PSD3: variants seen among roughly 807,000 people sequenced by gnomAD.
PSD3 encodes PH and SEC7 domain-containing protein 3.
A neutral mutation model predicts 105.5 loss-of-function variants in PSD3; 49 were observed. That is an observed-to-expected ratio of 0.46 (90% CI 0.37 to 0.59). PSD3 has a LOEUF of 0.59. Among genes scored for constraint, PSD3 ranks in the 20% least tolerant of loss-of-function variants. The pLI is 0.00. For synonymous variants in PSD3, 557 were observed against 457.8 expected, an observed-to-expected ratio of 1.22 and a Z score of -2.77; for missense variants, 1,561 against 1,263.8, an observed-to-expected ratio of 1.24 and a Z score of -3.57.
chr8:18,538,516 C>A (rs1199076010), intron 15 of PSD3, among the ~76,000 whole-genome samples: 1 of 152,048 alleles, frequency 6.6e-6, no homozygotes, highest in Non-Finnish European at 1.5e-5. Flanking sequence ...AAAGAACTAC[C>A]CCCAACAGAA....
chr8:18,977,259 CAAAAA>C (rs36071554), intron 1 of PSD3, among the ~76,000 whole-genome samples: 1 of 113,180 alleles, frequency 8.8e-6, no homozygotes. Flanking sequence ...CACCCTATCT[CAAAAA>C]AAAAAAAAAA....
intron 4 of PSD3, among the ~76,000 whole-genome samples, chr8:18,827,443 C>A (rs376702943): frequency 6.6e-6 from 1 of 152,012 alleles, no homozygotes; most frequent in Admixed American, 6.6e-5. Flanking sequence ...CAGAGAGGGG[C>A]GTGGAATGCT....
chr8:18,896,029 T>C (rs1431711285), intron 2 of PSD3, among the ~76,000 whole-genome samples: 1 of 152,202 alleles, frequency 6.6e-6, no homozygotes, highest in African/African-American at 2.4e-5. Context: ...TGAGATCAAC[T>C]TTTTTAGCTT....
At chr8:19,050,651 A>G (rs970697329) in intron 1 of PSD3, among the ~76,000 whole-genome samples, 2 of 152,182 alleles carry the variant, frequency 1.3e-5, no homozygotes, top group Non-Finnish European at 2.9e-5. Flanking sequence ...ACACATGGAC[A>G]CAGGAAGGGG....
chr8:18,646,378 T>C (rs757454031), intron 10 of PSD3, among the ~76,000 whole-genome samples: 1 of 152,152 alleles, frequency 6.6e-6, no homozygotes, highest in Non-Finnish European at 1.5e-5. Flanking sequence ...TTATTTAATG[T>C]AGTAAGTCAT....
chr8:19,010,655 A>T (rs1826910441), intron 1 of PSD3, among the ~76,000 whole-genome samples: 1 of 152,156 alleles, frequency 6.6e-6, no homozygotes. Flanking sequence ...TGAAAAAATA[A>T]TGCCACCACT....
At chr8:18,814,708 T>A (rs1457338397) in intron 4 of PSD3, among the ~76,000 whole-genome samples, 2 of 152,222 alleles carry the variant, frequency 1.3e-5, no homozygotes, top group African/African-American at 4.8e-5. Context: ...GCATAGAAGC[T>A]TCTTTGGGCA....
chr8:18,874,766 T>C (rs1817623568), intron 2 of PSD3, among the ~76,000 whole-genome samples: 1 of 149,630 alleles, frequency 6.7e-6, no homozygotes, highest in African/African-American at 2.5e-5. Context: ...GTTATCCTAA[T>C]AACTGATAAT....
chr8:18,819,236 A>C (rs75186823), intron 4 of PSD3, among the ~76,000 whole-genome samples: 5,802 of 152,306 alleles, frequency 0.038, 123 homozygotes, highest in Admixed American at 0.069. Context: ...AGGTTTAGTC[A>C]ACAAATACTT....
chr8:18,550,224 T>A (rs1388509641), intron 15 of PSD3, among the ~76,000 whole-genome samples: 1 of 152,208 alleles, frequency 6.6e-6, no homozygotes, highest in African/African-American at 2.4e-5. Flanking sequence ...CCCTAATTCT[T>A]TGCAATCATC....
intron 1 of PSD3, among the ~76,000 whole-genome samples, chr8:18,983,798 A>G (rs2129472937): frequency 6.6e-6 from 1 of 152,030 alleles, no homozygotes; most frequent in South Asian, 2.1e-4. Flanking sequence ...CAGGAGCTGG[A>G]GACTAGCCAG....
chr8:18,670,289 G>A (rs1466497633), intron 9 of PSD3, among the ~76,000 whole-genome samples: 1 of 152,204 alleles, frequency 6.6e-6, no homozygotes, highest in African/African-American at 2.4e-5. Context: ...GGGCCCAGCT[G>A]TGGTGTGAGC....
chr8:18,737,983 G>A (rs1277713038), intron 9 of PSD3, among the ~76,000 whole-genome samples: 1 of 152,090 alleles, frequency 6.6e-6, no homozygotes, highest in Admixed American at 6.6e-5. Context: ...ATTATTTTCT[G>A]CTTGCAGATG....
At chr8:19,004,588 T>C (rs1389192749) in intron 1 of PSD3, among the ~76,000 whole-genome samples, 2 of 151,830 alleles carry the variant, frequency 1.3e-5, no homozygotes, top group African/African-American at 4.8e-5. Flanking sequence ...AATGTAAGAG[T>C]AAATAGACAA....
chr8:19,036,473 C>T (rs916303538), intron 1 of PSD3, among the ~76,000 whole-genome samples: 2 of 152,132 alleles, frequency 1.3e-5, no homozygotes, highest in Non-Finnish European at 2.9e-5. Context: ...GCAGAAAAAC[C>T]CACCAGAGAT....
intron 1 of PSD3, among the ~76,000 whole-genome samples, chr8:19,003,294 C>G (rs1422847437): frequency 1.3e-5 from 2 of 151,804 alleles, no homozygotes; most frequent in Non-Finnish European, 2.9e-5. Flanking sequence ...TTGTTTGAGG[C>G]CAGGAGTTGA....
At chr8:18,723,413 AT>A (rs2129427980) in intron 9 of PSD3, among the ~76,000 whole-genome samples, 2 of 152,284 alleles carry the variant, frequency 1.3e-5, no homozygotes, top group East Asian at 3.9e-4. Context: ...GCACTTTCTC[AT>A]TTTATAGAAA....
At chr8:18,746,843 T>C (rs888492229) in intron 9 of PSD3, among the ~76,000 whole-genome samples, 1 of 152,250 alleles carries the variant, frequency 6.6e-6, no homozygotes, top group Non-Finnish European at 1.5e-5. Context: ...GTCTTAATTA[T>C]TAATTTGTAT....
intron 4 of PSD3, among the ~76,000 whole-genome samples, chr8:18,852,739 CACA>C (rs1279174816): frequency 6.6e-6 from 1 of 152,140 alleles, no homozygotes; most frequent in East Asian, 1.9e-4. Flanking sequence ...TGAGCTTGCC[CACA>C]ACTTCAAATT....
Sources: gnomAD v4.1 joint callset for allele counts (sites outside exome capture counted in the v4.1 genomes callset) on GRCh38, gnomAD v4.1.1 for gene constraint, MANE v1.5 for transcripts, NCBI Gene and HGNC (gene_info 2026-07-23, HGNC 2026-07-21) for gene names.